FANCI: variants seen among roughly 807,000 people sequenced by gnomAD.
FANCI encodes Fanconi anemia group I protein.
Under a neutral mutation model 176.1 loss-of-function variants are expected in FANCI, and 156 were observed. The observed-to-expected ratio is 0.89, with a 90% CI of 0.78 to 1.01. FANCI has a LOEUF of 1.01. Among genes scored for constraint, FANCI ranks in the 50% least tolerant of loss-of-function variants. FANCI has a pLI of 0.00. For synonymous variants in FANCI, 613 were observed against 541.7 expected, an observed-to-expected ratio of 1.13 and a Z score of -1.83; for missense variants, 1,678 against 1,534.1, an observed-to-expected ratio of 1.09 and a Z score of -1.57.
At chr15:89,306,391 T>A (rs2054719245) in intron 32 of FANCI, among the ~76,000 whole-genome samples, 197 bp downstream of exon 32, 1 of 152,022 alleles carries the variant, frequency 6.6e-6, no homozygotes, top group Non-Finnish European at 1.5e-5. Context: ...AAACAGTTTA[T>A]AATTCTAATC....
At chr15:89,256,110 G>A (rs991555836) in intron 2 of FANCI, among the ~76,000 whole-genome samples, 1 of 152,162 alleles carries the variant, frequency 6.6e-6, no homozygotes, top group Non-Finnish European at 1.5e-5. Flanking sequence ...TGTTGAAACT[G>A]AACTATTTCA....
At chr15:89,254,161 C>A (rs766176642) in intron 2 of FANCI, among the ~76,000 whole-genome samples, 2 of 152,050 alleles carry the variant, frequency 1.3e-5, no homozygotes, top group Non-Finnish European at 2.9e-5. Context: ...AGTTCAAGAC[C>A]AGTTTGGGCA....
At chr15:89,308,502 G>A (rs751808388) in intron 34 of FANCI, among the ~76,000 whole-genome samples, 9 of 152,196 alleles carry the variant, frequency 5.9e-5, no homozygotes, top group Non-Finnish European at 4.4e-5. Flanking sequence ...CAAGATTCTA[G>A]AACCAATTAT....
chr15:89,314,781 A>G, intron 36 of FANCI, 74 bp downstream of exon 36: 5 of 1,067,642 alleles, frequency 4.7e-6, no homozygotes, highest in Non-Finnish European at 7.2e-6. Flanking sequence ...AAGCAGCACA[A>G]CTACAATGGA....
chr15:89,255,618 C>T (rs2052459527), intron 2 of FANCI, among the ~76,000 whole-genome samples: 1 of 152,012 alleles, frequency 6.6e-6, no homozygotes, highest in South Asian at 2.1e-4. Context: ...AATCTAGCCA[C>T]AAGGAAACAT....
intron 16 of FANCI, 129 bp downstream of exon 16, chr15:89,281,964 T>G (rs1391277673): frequency 1.1e-6 from 1 of 869,918 alleles, no homozygotes; most frequent in Non-Finnish European, 1.9e-6. Context: ...CAGAGCAATT[T>G]CATCAAATAA....
At chr15:89,316,308 G>GAAGAT in intron 37 of FANCI, 89 bp from the exon 38 acceptor site, 2 of 1,303,652 alleles carry the variant, frequency 1.5e-6, no homozygotes, top group Non-Finnish European at 2.2e-6. Context: ...GCTTTGATGA[G>GAAGAT]AAGATAGAGT....
At chr15:89,303,415 C>G (rs2054596485) in intron 27 of FANCI, among the ~76,000 whole-genome samples, 1 of 152,128 alleles carries the variant, frequency 6.6e-6, no homozygotes, top group African/African-American at 2.4e-5. Context: ...TCTCTTTTTT[C>G]TGCCCTTCTC....
intron 24 of FANCI, among the ~76,000 whole-genome samples, chr15:89,295,830 G>A (rs898861513): frequency 3.3e-5 from 5 of 149,534 alleles, no homozygotes; most frequent in African/African-American, 7.4e-5. Context: ...GTGGAATGCC[G>A]TGGTGCAATC....
chr15:89,293,757 GATT>G (rs1308718027), intron 22 of FANCI, 73 bp from the exon 23 acceptor site: 1 of 1,336,712 alleles, frequency 7.5e-7, no homozygotes, highest in Non-Finnish European at 1.1e-6. Context: ...GAAGCATTGT[GATT>G]ATTATCATAT....
intron 10 of FANCI, among the ~76,000 whole-genome samples, chr15:89,269,605 T>G (rs2053120616): frequency 6.6e-6 from 1 of 152,222 alleles, no homozygotes. Flanking sequence ...TCGTAAGTGA[T>G]GTGTACATTT....
intron 17 of FANCI, 138 bp downstream of exon 17, chr15:89,283,388 C>CTGATGA (rs539373037): frequency 4.6e-6 from 6 of 1,308,468 alleles, no homozygotes; most frequent in Middle Eastern, 2.2e-4. Context: ...GATGATGGTG[C>CTGATGA]TGATGATGAT....
rs565479049 is a variant in FANCI, at chr15:89,282,009, T to G, written c.1583+174T>G. The G allele has an allele frequency of 8.3e-5, 52 of 629,428 alleles. 1 individual carries two copies. Among genetic ancestry groups the G allele is most frequent in the Non-Finnish European group, 1.3e-4 (45 of 351,338 alleles). 39.0% of individuals were successfully genotyped at this position (629,428 alleles called of 1,614,324 possible). On this transcript the variant is annotated intron_variant, in intron 16 of 37. Coordinates refer to ENST00000310775, the MANE Select transcript of FANCI (RefSeq NM_001113378.2). ...CTAAGTGCTTTATGTGCTTTTTTCATTTAGTCTTCAGAGCAACCCTATGAA... is the reference window on the plus strand; with the variant it reads ...CTAAGTGCTTTATGTGCTTTTTTCAGTTAGTCTTCAGAGCAACCCTATGAA...
intron 8 of FANCI, among the ~76,000 whole-genome samples, 164 bp downstream of exon 8, chr15:89,264,190 C>T (rs372723340): frequency 2.4e-4 from 36 of 152,102 alleles, no homozygotes; most frequent in African/African-American, 7.0e-4. Flanking sequence ...TTTCATTTCA[C>T]ATATAGTGGT....
intron 1 of FANCI, among the ~76,000 whole-genome samples, chr15:89,244,832 A>G (rs2051873682): frequency 1.3e-5 from 2 of 152,114 alleles, no homozygotes; most frequent in African/African-American, 4.8e-5. Flanking sequence ...TATTACACCT[A>G]CCTAGTAGGT....
intron 3 of FANCI, among the ~76,000 whole-genome samples, chr15:89,260,439 C>T (rs1324803485): frequency 1.3e-5 from 2 of 152,142 alleles, no homozygotes; most frequent in Non-Finnish European, 2.9e-5. Flanking sequence ...GGTTACTGGA[C>T]TTCTCAAAAG....
intron 24 of FANCI, among the ~76,000 whole-genome samples, chr15:89,297,922 A>G (rs745519145): frequency 6.6e-6 from 1 of 152,072 alleles, no homozygotes; most frequent in Admixed American, 6.5e-5. Context: ...TGTTAGTCAC[A>G]TATAAAATGT....
In FANCI at chr15:89,316,868, A is replaced by G; in HGVS notation, c.*409A>G. 3 of 1,410,802 alleles carry G rather than the reference A, an allele frequency of 2.1e-6. No individual in the cohort carries two copies. Among genetic ancestry groups the G allele is most frequent in the Non-Finnish European group, 2.0e-6 (2 of 994,148 alleles). The allele number at this position is 1,410,802 out of a possible 1,614,324, so 87.4% of individuals were successfully genotyped here. On this transcript the variant is annotated 3_prime_UTR_variant, in exon 38 of 38. Coordinates refer to ENST00000310775, the MANE Select transcript of FANCI (RefSeq NM_001113378.2). ...AATTGGTTAGGATGCCACCTCAAGAACTGTAACTGAGAGCTCAGAAGTGAG... is the reference window on the plus strand; with the variant it reads ...AATTGGTTAGGATGCCACCTCAAGAGCTGTAACTGAGAGCTCAGAAGTGAG...
rs540019354 is a variant in FANCI, at chr15:89,268,600, G to C, written c.882+75G>C. On this transcript the variant is annotated intron_variant, in intron 10 of 37. Coordinates refer to ENST00000310775, the MANE Select transcript of FANCI (RefSeq NM_001113378.2). ...TTGAACTTAAGCCACTGTTATGCCAGTTAATGACAGGAAATAAATACTGTA... is the reference window on the plus strand; with the variant it reads ...TTGAACTTAAGCCACTGTTATGCCACTTAATGACAGGAAATAAATACTGTA... 56 of 1,545,154 alleles carry C rather than the reference G, an allele frequency of 3.6e-5. No homozygotes were observed. In the South Asian group the frequency reaches 3.9e-4, roughly 11 times the overall value.
Sources: gnomAD v4.1 joint callset for allele counts (sites outside exome capture counted in the v4.1 genomes callset) on GRCh38, gnomAD v4.1.1 for gene constraint, MANE v1.5 for transcripts, NCBI Gene and HGNC (gene_info 2026-07-23, HGNC 2026-07-21) for gene names.